The following KIAA1549L variants were observed in gnomAD, a reference collection of about 807,000 sequenced individuals.
KIAA1549L encodes UPF0606 protein KIAA1549L.
In KIAA1549L, 88 loss-of-function variants were observed where a neutral mutation model predicts 160.7. That is an observed-to-expected ratio of 0.55 (90% CI 0.46 to 0.65). The LOEUF (loss-of-function observed/expected upper bound fraction) is 0.65. KIAA1549L is among the 30% of genes least tolerant of loss of function. The pLI is 0.00. For synonymous variants in KIAA1549L, 950 were observed against 976.7 expected (o/e 0.97, Z 0.51); for missense variants, 2,258 against 2,437.5 (o/e 0.93, Z 1.55).
chr11:33,391,407 C>G (rs1565116818), intron 1 of KIAA1549L, among the ~76,000 whole-genome samples: 1 of 152,122 alleles, frequency 6.6e-6, no homozygotes, highest in East Asian at 1.9e-4. Flanking sequence ...TAGTAGATGT[C>G]TTTTAGTTGG....
chr11:33,554,384 T>C (rs777658272), intron 6 of KIAA1549L, among the ~76,000 whole-genome samples: 1 of 152,222 alleles, frequency 6.6e-6, no homozygotes, highest in Non-Finnish European at 1.5e-5. Context: ...AGGGACAGAA[T>C]CTAAGCTGAT....
At chr11:33,633,706 G>T (rs1240562028) in intron 16 of KIAA1549L, among the ~76,000 whole-genome samples, 10 of 152,200 alleles carry the variant, frequency 6.6e-5, no homozygotes, top group Admixed American at 6.5e-4. Flanking sequence ...TTTTGAAGAG[G>T]TGTTTTTAAT....
chr11:33,408,489 G>GTATATA (rs138063173), intron 1 of KIAA1549L, among the ~76,000 whole-genome samples: 2,906 of 123,014 alleles, frequency 0.024, 109 homozygotes, highest in African/African-American at 0.088. Flanking sequence ...CTGTATATGT[G>GTATATA]TATATATATA....
chr11:33,594,168 C>T (rs1431976432), intron 12 of KIAA1549L, among the ~76,000 whole-genome samples: 1 of 152,124 alleles, frequency 6.6e-6, no homozygotes, highest in Non-Finnish European at 1.5e-5. Context: ...TGCATATTTT[C>T]TTCCAAGAAC....
At chr11:33,662,259 C>G (rs773651980) in intron 20 of KIAA1549L, among the ~76,000 whole-genome samples, 5 of 152,078 alleles carry the variant, frequency 3.3e-5, no homozygotes, top group African/African-American at 7.2e-5. Flanking sequence ...AGTGGCCACT[C>G]AATATTGCTG....
chr11:33,384,852 A>G (rs1479142426), intron 1 of KIAA1549L, among the ~76,000 whole-genome samples: 1 of 151,422 alleles, frequency 6.6e-6, no homozygotes, highest in Non-Finnish European at 1.5e-5. Context: ...GTCTGGATAC[A>G]AGTCTTTTTA....
intron 20 of KIAA1549L, among the ~76,000 whole-genome samples, chr11:33,663,140 C>A (rs559230885): frequency 6.6e-6 from 1 of 152,316 alleles, no homozygotes; most frequent in African/African-American, 2.4e-5. Context: ...ATAATGCACA[C>A]CTTCCACATC....
rs114332298 is a variant in KIAA1549L, at chr11:33,632,175, T to C, written c.5410-13511T>C. Reference sequence around the variant, plus strand: ...ACGGTAAATCCAGGCATGGTTTGGTTGGGGCCCCAGTCTGTTCCTCTGCAT... The same window carrying C: ...ACGGTAAATCCAGGCATGGTTTGGTCGGGGCCCCAGTCTGTTCCTCTGCAT... On this transcript the variant is annotated intron_variant, in intron 16 of 20. Transcript: ENST00000658780. Among the ~76,000 whole-genome samples, 757 of 152,332 alleles carry C rather than the reference T, an allele frequency of 5.0e-3. 11 individuals are homozygous for C. Among genetic ancestry groups the C allele is most frequent in the African/African-American group, 0.018 (728 of 41,572 alleles).
rs182287291 is a variant in KIAA1549L, at chr11:33,624,764, T to A, written c.5409+6102T>A. 1.3e-3 allele frequency among the ~76,000 whole-genome samples: 201 copies of A among 151,028 alleles called. 3 individuals carry two copies. The East Asian group carries it at 0.027, about 20-fold the overall frequency. On this transcript the variant is annotated intron_variant, in intron 16 of 20. Coordinates refer to ENST00000658780, the MANE Select transcript of KIAA1549L (RefSeq NM_012194.3). ...TTTTTTTTAATTTTTGCTTTTTTTT[T>A]ATTATTATTATACTTTAAGTTTTAG...
chr11:33,415,874 G>A (rs189171106), intron 1 of KIAA1549L, among the ~76,000 whole-genome samples: 19 of 151,088 alleles, frequency 1.3e-4, no homozygotes, highest in African/African-American at 4.4e-4. Context: ...GTGTGATCTC[G>A]GCTCACTGGA....
chr11:33,665,679 T>C (rs533871261), intron 20 of KIAA1549L: 1,653 of 152,420 alleles, frequency 0.011, 14 homozygotes, highest in African/African-American at 0.015. Context: ...AGGCCCCCCC[T>C]GGCCTTCTGA....
chr11:33,619,392 A>G (rs1850902748), intron 16 of KIAA1549L, among the ~76,000 whole-genome samples: 1 of 152,160 alleles, frequency 6.6e-6, no homozygotes. Flanking sequence ...TTCCCCTAAA[A>G]TGTTTCTCTA....
chr11:33,523,514 G>A (rs189127513), intron 1 of KIAA1549L, among the ~76,000 whole-genome samples: 3 of 152,262 alleles, frequency 2.0e-5, no homozygotes, highest in Admixed American at 2.0e-4. Flanking sequence ...TATACTAGAA[G>A]GATTATTTTC....
At chr11:33,590,852 C>T (rs1387680743) in intron 11 of KIAA1549L, among the ~76,000 whole-genome samples, 1 of 152,168 alleles carries the variant, frequency 6.6e-6, no homozygotes, top group East Asian at 1.9e-4. Context: ...GAAGAGGTGA[C>T]CAAACATTTC....
At chr11:33,393,416 A>G (rs558830328) in intron 1 of KIAA1549L, among the ~76,000 whole-genome samples, 1 of 152,284 alleles carries the variant, frequency 6.6e-6, no homozygotes, top group South Asian at 2.1e-4. Flanking sequence ...CAGACTGTGA[A>G]CTCGTCAGAG....
At chr11:33,399,594 T>G (rs1417787508) in intron 1 of KIAA1549L, among the ~76,000 whole-genome samples, 4 of 152,174 alleles carry the variant, frequency 2.6e-5, no homozygotes. Context: ...TGGAATGTCA[T>G]CCAAAGGGCC....
chr11:33,559,984 G>A, intron 7 of KIAA1549L, 73 bp downstream of exon 7: 1 of 1,356,362 alleles, frequency 7.4e-7, no homozygotes, highest in Non-Finnish European at 1.0e-6. Context: ...AACATTTATA[G>A]TGCCAGGCCA....
intron 1 of KIAA1549L, among the ~76,000 whole-genome samples, chr11:33,522,216 A>G (rs1404591410): frequency 2.6e-5 from 4 of 152,324 alleles, no homozygotes; most frequent in Non-Finnish European, 5.9e-5. Context: ...CTTAGAGGCA[A>G]TCAGTTTAAT....
chr11:33,387,342 G>A (rs931736262), intron 1 of KIAA1549L, among the ~76,000 whole-genome samples: 1 of 151,858 alleles, frequency 6.6e-6, no homozygotes, highest in African/African-American at 2.4e-5. Flanking sequence ...GTCTGATTCT[G>A]TTGTCCAGGC....
Sources: allele counts gnomAD v4.1 joint callset (sites outside exome capture counted in the v4.1 genomes callset), GRCh38; gene constraint gnomAD v4.1.1; transcripts MANE v1.5; gene names NCBI Gene and HGNC (gene_info 2026-07-23, HGNC 2026-07-21).